The following LAMC3 variants were observed in gnomAD, a reference collection of about 807,000 sequenced individuals.
LAMC3 encodes the protein laminin subunit gamma 3.
Under a neutral mutation model 173.8 loss-of-function variants are expected in LAMC3, and 128 were observed. The ratio of observed to expected loss-of-function variants is 0.74; its 90% CI spans 0.64 to 0.85. The LOEUF (loss-of-function observed/expected upper bound fraction) is 0.85, where lower values mean the gene tolerates loss of function less well. LAMC3 is among the 40% of genes least tolerant of loss of function. The pLI is 0.00. For synonymous variants in LAMC3, 897 were observed against 909.1 expected, an observed-to-expected ratio of 0.99 and a Z score of 0.24; for missense variants, 2,022 against 2,156.0, an observed-to-expected ratio of 0.94 and a Z score of 1.23.
At position 131,052,553 on chromosome 9, in the gene LAMC3, C is replaced by T. The variant is rs779180808; in HGVS notation, c.1693C>T (p.Pro565Ser). The T allele has an allele frequency of 8.1e-6, 13 of 1,613,630 alleles. No homozygotes were observed. The East Asian group carries it at 2.5e-4, about 30-fold the overall frequency. Residue 565 changes from proline to serine, a missense_variant, in exon 10 of 28, where the codon CCC becomes TCC. Transcript: ENST00000361069. ...GQPLILTFRVPPGDSPLPVQL... is the reference protein window; with the variant it reads ...GQPLILTFRVSPGDSPLPVQL... ...GCCCCTCATACTGACCTTCCGGGTG[C>T]CCCCCGGGGACTCCCCACTCCCTGT... is the stretch of plus-strand genomic sequence containing the variant.
At chr9:131,021,630 G>C (rs547514720) in intron 1 of LAMC3, among the ~76,000 whole-genome samples, 35 of 152,194 alleles carry the variant, frequency 2.3e-4, no homozygotes, top group Non-Finnish European at 4.7e-4. Flanking sequence ...CTCTAATTCA[G>C]TTCCAACACG....
intron 1 of LAMC3, among the ~76,000 whole-genome samples, chr9:131,022,942 T>G (rs551126895): frequency 6.6e-6 from 1 of 152,216 alleles, no homozygotes; most frequent in Non-Finnish European, 1.5e-5. Flanking sequence ...GTCCCCATCC[T>G]GAACCCCTAT....
rs367843721 is a variant in LAMC3 at position 131,069,792 on chromosome 9, C to A, written c.3011C>A (p.Thr1004Lys). Residue 1004 changes from threonine (T) to lysine (K), a missense_variant, in exon 17 of 28, where the codon ACG becomes AAG. Transcript: ENST00000361069. ...CDRCHDNFFL[T>K]ADGTHCQQCP... ...CGCTGCCACGACAACTTCTTCCTCA[C>A]GGCAGACGGCACACACTGCCAGCAA... is the stretch of plus-strand genomic sequence containing the variant. The A allele has an allele frequency of 6.3e-7, 1 of 1,593,814 alleles. No individual in the cohort carries two copies. Among genetic ancestry groups the A allele is most frequent in the Non-Finnish European group, 8.5e-7 (1 of 1,170,112 alleles).
intron 17 of LAMC3, among the ~76,000 whole-genome samples, chr9:131,070,154 C>A (rs1263394321): frequency 6.6e-6 from 1 of 152,224 alleles, no homozygotes; most frequent in East Asian, 1.9e-4. Context: ...CCACAGATGA[C>A]CCCTTGGTAA....
chr9:131,024,109 A>G (rs1340359171), intron 1 of LAMC3, among the ~76,000 whole-genome samples: 1 of 135,500 alleles, frequency 7.4e-6, no homozygotes, highest in Non-Finnish European at 1.6e-5. Context: ...AGTCCCAAAT[A>G]TTATTTACTC....
Position 131,082,138 on chromosome 9 carries a change from G to A in LAMC3, c.4007G>A (p.Arg1336Lys). Residue 1336 changes from arginine to lysine, a missense_variant, in exon 24 of 28, where the codon AGG becomes AAG. Arg to Lys is a conservative substitution (Grantham distance 26, BLOSUM62 2). Transcript: ENST00000361069. Reference protein sequence around the residue: ...QAATVTVMGARTLLADLEGMK... With the variant: ...QAATVTVMGAKTLLADLEGMK... ...GCGACAGTGACTGTCATGGGAGCCA[G>A]GACTCTGCTGGCTGATCTGGAAGGT... 2 of 1,613,648 alleles carry A rather than the reference G, an allele frequency of 1.2e-6. No individual in the cohort carries two copies. The highest frequency in any genetic ancestry group is 8.5e-7 in the Non-Finnish European group (1 of 1,179,808).
chr9:131,042,278 C>T (rs539937423), intron 7 of LAMC3, among the ~76,000 whole-genome samples: 15 of 151,736 alleles, frequency 9.9e-5, no homozygotes, highest in East Asian at 5.9e-4. Flanking sequence ...TTCACACCCA[C>T]GGCAGACCTA....
intron 1 of LAMC3, among the ~76,000 whole-genome samples, chr9:131,017,012 G>A (rs1833532369): frequency 6.6e-6 from 1 of 152,140 alleles, no homozygotes. Context: ...AGCACAGCTT[G>A]GCACCGTAAC....
At chr9:131,079,897 A>G (rs1588168399) in intron 23 of LAMC3, among the ~76,000 whole-genome samples, 1 of 152,260 alleles carries the variant, frequency 6.6e-6, no homozygotes, top group East Asian at 1.9e-4. Context: ...TCATTAGTTC[A>G]TTCTCTAGTT....
rs763395549 is a variant in LAMC3 at position 131,066,946 on chromosome 9, C to T, written c.2348-14C>T. The T allele has an allele frequency of 6.2e-7, 1 of 1,613,168 alleles. No individual in the cohort carries two copies. The highest frequency in any genetic ancestry group is 8.5e-7 in the Non-Finnish European group (1 of 1,179,874). ...GCCAGCTGTGTTCCCCACACGTGCT[C>T]CCTCTACACACAGGGCGGCGCTGTG... On this transcript the variant is annotated splice_polypyrimidine_tract_variant and intron_variant, in intron 13 of 27. Transcript: ENST00000361069.
chr9:131,046,468 C>G (rs1246137138), intron 8 of LAMC3, among the ~76,000 whole-genome samples: 1 of 149,202 alleles, frequency 6.7e-6, no homozygotes, highest in Non-Finnish European at 1.5e-5. Flanking sequence ...CTCCGCCTCC[C>G]AAAATGCTGG....
intron 8 of LAMC3, among the ~76,000 whole-genome samples, chr9:131,046,953 A>AC (rs1834176729): frequency 6.6e-6 from 1 of 152,032 alleles, no homozygotes; most frequent in Admixed American, 6.5e-5. Flanking sequence ...AGATGCGCGG[A>AC]CCGGCGCCGC....
intron 24 of LAMC3, among the ~76,000 whole-genome samples, chr9:131,082,949 G>A (rs1830266290): frequency 6.6e-6 from 1 of 152,230 alleles, no homozygotes; most frequent in Non-Finnish European, 1.5e-5. Context: ...CAGAGGATGG[G>A]CTGGTCAGTG....
intron 2 of LAMC3, among the ~76,000 whole-genome samples, chr9:131,031,024 G>A (rs1480783588): frequency 6.6e-6 from 1 of 152,248 alleles, no homozygotes; most frequent in African/African-American, 2.4e-5. Context: ...TTTAGTGTTT[G>A]GGTGCTGGAC....
chr9:131,069,132 G>A lies in LAMC3; in HGVS notation c.2890+82G>A, dbSNP rs549383530. The A allele has an allele frequency of 7.3e-6, 11 of 1,498,196 alleles. No individual in the cohort carries two copies. In the African/African-American group the frequency reaches 8.3e-5, roughly 11 times the overall value. The allele number at this position is 1,498,196 out of a possible 1,614,324, so 92.8% of individuals were successfully genotyped here. On this transcript the variant is annotated intron_variant, in intron 16 of 27. Coordinates refer to ENST00000361069, the MANE Select transcript of LAMC3 (RefSeq NM_006059.4). ...GGCAGAGATGACTGATGGGGAAAAT[G>A]GGCGCAGCAGGAAAGGATCGTCAGA...
chr9:131,046,518 ATTTTTTTTTTTTT>A (rs71501242), intron 8 of LAMC3, among the ~76,000 whole-genome samples: 7 of 49,170 alleles, frequency 1.4e-4, no homozygotes, highest in South Asian at 2.1e-3. Flanking sequence ...TAATTTTTGT[ATTTTTTTTTTTTT>A]TTTTTTTTTT....
chr9:131,036,291 C>T lies in LAMC3; in HGVS notation c.935C>T (p.Pro312Leu), dbSNP rs761089003. Reference protein sequence around the residue: ...ERCLPFFQDRPWARGTAEAAH... With the variant: ...ERCLPFFQDRLWARGTAEAAH... ...TGCCTGCCCTTCTTCCAGGACCGCC[C>T]GTGGGCCCGGGGCACCGCCGAGGCT... The change falls in exon 4 of 28, where the codon CCG (proline) becomes CTG (leucine). Residue 312 changes from proline (P) to leucine (L), a missense_variant. Pro to Leu is a moderately conservative substitution (Grantham distance 98). Coordinates refer to ENST00000361069, the MANE Select transcript of LAMC3 (RefSeq NM_006059.4). 10 of 1,613,074 alleles carry T rather than the reference C, an allele frequency of 6.2e-6. No individual in the cohort carries two copies. The highest frequency in any genetic ancestry group is 3.3e-5 in the Admixed American group (2 of 59,972).
At chr9:131,063,289 A>C (rs4740401) in intron 13 of LAMC3, among the ~76,000 whole-genome samples, 31,149 of 152,160 alleles carry the variant, frequency 0.2, 3,933 homozygotes, top group Admixed American at 0.27. Context: ...TATCTCCCTT[A>C]CATTTTCTAG....
chr9:131,082,033 C>A (rs144911891), intron 23 of LAMC3, 26 bp from the exon 24 acceptor site: 1 of 1,591,762 alleles, frequency 6.3e-7, no homozygotes, highest in Admixed American at 1.7e-5. Context: ...GAGCCAGCTG[C>A]CCAGCCTCTC....
Sources: gnomAD v4.1 joint callset for allele counts (sites outside exome capture counted in the v4.1 genomes callset) on GRCh38, gnomAD v4.1.1 for gene constraint, MANE v1.5 for transcripts, NCBI Gene and HGNC (gene_info 2026-07-23, HGNC 2026-07-21) for gene names.